Variants in SLC5A11 observed in about 807,000 individuals in gnomAD.
SLC5A11 encodes solute carrier family 5 member 11.
In SLC5A11, 48 loss-of-function variants were observed where a neutral mutation model predicts 69.8. The observed-to-expected ratio is 0.69, with a 90% confidence interval of 0.55 to 0.87. SLC5A11 has a LOEUF of 0.87. SLC5A11 is among the 40% of genes least tolerant of loss of function. The probability of loss-of-function intolerance (pLI) is 0.00; values close to 1 mark genes in which losing one functional copy is unlikely to be tolerated. For synonymous variants in SLC5A11, 319 were observed against 342.4 expected, an observed-to-expected ratio of 0.93 and a Z score of 0.75; for missense variants, 784 against 866.1, an observed-to-expected ratio of 0.91 and a Z score of 1.19.
At chr16:24,908,922 G>T in exon 14 of SLC5A11, 1 of 1,614,050 alleles carries the variant, frequency 6.2e-7, no homozygotes, top group Non-Finnish European at 8.5e-7. Context: ...TCCTGGGCTT[G>T]GTTAGGCTGG....
At chr16:24,906,342 CAAAA>C (rs753153658) in intron 10 of SLC5A11, among the ~76,000 whole-genome samples, 2 of 76,028 alleles carry the variant, frequency 2.6e-5, no homozygotes, top group Non-Finnish European at 5.6e-5. Flanking sequence ...GGCTCCGTCT[CAAAA>C]AAAAAAAAAA....
Position 24,877,364 on chromosome 16 carries a change from G to T in SLC5A11, c.583+1G>T. The T allele has an allele frequency of 1.9e-6, 3 of 1,611,982 alleles. No individual in the cohort carries two copies. Among genetic ancestry groups the T allele is most frequent in the Non-Finnish European group, 2.5e-6 (3 of 1,178,316 alleles). On this transcript the variant is annotated splice_donor_variant, in intron 7 of 15. Transcript: ENST00000347898. LOFTEE classifies it high-confidence loss of function. Reference sequence around the variant, plus strand: ...ATCACTGCTGTATACACGGTTGCTGGTAAGACTGAACAAAGGGTAACACCT... The same window carrying T: ...ATCACTGCTGTATACACGGTTGCTGTTAAGACTGAACAAAGGGTAACACCT...
At chr16:24,875,727 T>G (rs1209221853) in exon 6 of SLC5A11, 1 of 1,613,176 alleles carries the variant, frequency 6.2e-7, no homozygotes, top group African/African-American at 1.3e-5. Context: ...TTCACCAAGA[T>G]CTCGGTAAGG....
chr16:24,849,593 A>AAAATATATATATAT, intron 1 of SLC5A11, among the ~76,000 whole-genome samples: 7 of 35,908 alleles, frequency 1.9e-4, no homozygotes, highest in Non-Finnish European at 3.3e-4. Flanking sequence ...AAAAAAAAAA[A>AAAATATATATATAT]ATATATATAT....
At chr16:24,896,293 T>A (rs952989615) in intron 9 of SLC5A11, among the ~76,000 whole-genome samples, 2 of 152,100 alleles carry the variant, frequency 1.3e-5, no homozygotes, top group African/African-American at 4.8e-5. Flanking sequence ...AAGACCAGCC[T>A]CCTCAATATA....
chr16:24,886,175 C>T lies in SLC5A11; in HGVS notation c.664+2044C>T, dbSNP rs189292677. 5.9e-3 allele frequency among the ~76,000 whole-genome samples: 901 copies of T among 152,034 alleles called. 9 individuals carry two copies. Among genetic ancestry groups the T allele is most frequent in the African/African-American group, 0.02 (834 of 41,454 alleles). On this transcript the variant is annotated intron_variant, in intron 8 of 15. Coordinates refer to ENST00000347898, the Ensembl canonical transcript of SLC5A11. ...TCAGCCTCCCAAGTAGCTGGGACTACGGACACACGCCACCATGCCCAGCTA... is the reference window on the plus strand; with the variant it reads ...TCAGCCTCCCAAGTAGCTGGGACTATGGACACACGCCACCATGCCCAGCTA...
At chr16:24,910,197 AT>A in intron 14 of SLC5A11, 108 bp from the exon 16 acceptor site, 1 of 1,115,544 alleles carries the variant, frequency 9.0e-7, no homozygotes, top group East Asian at 2.5e-5. Flanking sequence ...CTGGGAGCAG[AT>A]TCAGACACAA....
In SLC5A11 at chr16:24,858,787, G is replaced by A. The variant is rs2059642521; in HGVS notation, c.135+9G>A. The A allele has an allele frequency of 6.2e-7, 1 of 1,607,202 alleles. No homozygotes were observed. The highest frequency in any genetic ancestry group is 1.3e-5 in the African/African-American group (1 of 74,826). On this transcript the variant is annotated intron_variant, in intron 2 of 15. Coordinates refer to ENST00000347898, the Ensembl canonical transcript of SLC5A11. ...TGGCTGTTGGACTATGGGTAAGCCA[G>A]GCCACTGGGGGATGGGGGATGAAGA...
rs1423351132 is a variant in SLC5A11, at chr16:24,872,151, C to A, written c.313-9C>A. On this transcript the variant is annotated splice_polypyrimidine_tract_variant and intron_variant, in intron 4 of 15. Coordinates refer to ENST00000347898, the Ensembl canonical transcript of SLC5A11. ...GGGGGCCAAGTCCTGACTGTGTTTT[C>A]TTGAGCAGGGCTTGTTTTCTGTGCT... is the stretch of plus-strand genomic sequence containing the variant. 1 of 1,614,138 alleles carries A rather than the reference C, an allele frequency of 6.2e-7. No homozygotes were observed.
chr16:24,911,373 G>T, exon 16 of SLC5A11: 2 of 1,614,086 alleles, frequency 1.2e-6, no homozygotes, highest in Non-Finnish European at 1.7e-6. Flanking sequence ...GCCATCCTGT[G>T]GCTCTGTGGA....
chr16:24,878,179 T>C (rs2047809114), intron 7 of SLC5A11, among the ~76,000 whole-genome samples: 1 of 152,218 alleles, frequency 6.6e-6, no homozygotes, highest in Non-Finnish European at 1.5e-5. Context: ...TAAAGCATTT[T>C]TAAAATGCAC....
intron 9 of SLC5A11, among the ~76,000 whole-genome samples, chr16:24,893,950 T>A (rs2152381306): frequency 6.6e-6 from 1 of 152,318 alleles, no homozygotes; most frequent in Middle Eastern, 3.4e-3. Flanking sequence ...TTCTATTTCG[T>A]TGACCTGTTG....
chr16:24,859,739 T>C (rs1372108999), intron 2 of SLC5A11, among the ~76,000 whole-genome samples: 1 of 152,234 alleles, frequency 6.6e-6, no homozygotes, highest in Non-Finnish European at 1.5e-5. Flanking sequence ...TTCCTTATCT[T>C]CTTAAAAGTT....
At position 24,877,388 on chromosome 16, in the gene SLC5A11, C is replaced by G. The variant is rs376123389; in HGVS notation, c.583+25C>G. On this transcript the variant is annotated intron_variant, in intron 7 of 15. Coordinates refer to ENST00000347898, the Ensembl canonical transcript of SLC5A11. ...GGTAAGACTGAACAAAGGGTAACAC[C>G]TAGCAGAGGCAGTGGGCAGGGGCTG... 1.3e-5 allele frequency: 20 copies of G among 1,579,440 alleles called. No individual in the cohort carries two copies. In the Middle Eastern group the frequency reaches 6.7e-4, roughly 53 times the overall value.
At chr16:24,860,970 G>C (rs1254954738) in intron 2 of SLC5A11, among the ~76,000 whole-genome samples, 7 of 151,894 alleles carry the variant, frequency 4.6e-5, no homozygotes, top group Non-Finnish European at 7.4e-5. Context: ...GCCTCCCAAA[G>C]TGCTGGGATT....
At chr16:24,901,974 A>G (rs274100) in intron 10 of SLC5A11, among the ~76,000 whole-genome samples, 28,804 of 147,866 alleles carry the variant, frequency 0.19, 3,482 homozygotes, top group East Asian at 0.45. Context: ...ACACACACAC[A>G]CACACACATA....
chr16:24,898,095 G>C (rs764495479), exon 10 of SLC5A11: 6 of 1,613,704 alleles, frequency 3.7e-6, no homozygotes, highest in Non-Finnish European at 4.2e-6. Flanking sequence ...ATGGTCAGCC[G>C]CATCCTCTTC....
intron 1 of SLC5A11, among the ~76,000 whole-genome samples, chr16:24,856,272 A>G (rs1304480467): frequency 1.3e-5 from 2 of 149,712 alleles, no homozygotes; most frequent in Non-Finnish European, 2.9e-5. Context: ...AATCCCATTT[A>G]TCACTATCTG....
chr16:24,855,777 A>G (rs2059502646), intron 1 of SLC5A11, among the ~76,000 whole-genome samples: 1 of 152,202 alleles, frequency 6.6e-6, no homozygotes, highest in South Asian at 2.1e-4. Flanking sequence ...AGTGCCACCT[A>G]TGAGGAACGG....
Sources: gnomAD v4.1 joint callset for allele counts (sites outside exome capture counted in the v4.1 genomes callset) on GRCh38, gnomAD v4.1.1 for gene constraint, MANE v1.5 for transcripts, NCBI Gene and HGNC (gene_info 2026-07-23, HGNC 2026-07-21) for gene names.